Variants in RPTOR observed in about 807,000 individuals in gnomAD.
RPTOR encodes regulatory associated protein of MTOR complex 1.
Under a neutral mutation model 169.9 loss-of-function variants are expected in RPTOR, and 21 were observed. The ratio of observed to expected loss-of-function variants is 0.12; its 90% CI spans 0.09 to 0.18. The LOEUF (loss-of-function observed/expected upper bound fraction) is 0.18, where lower values mean the gene tolerates loss of function less well. Among genes scored for constraint, RPTOR ranks in the 10% least tolerant of loss-of-function variants. The pLI, the probability that RPTOR is intolerant of heterozygous loss-of-function variation, is 1.00. For synonymous variants in RPTOR, 732 were observed against 753.2 expected, an observed-to-expected ratio of 0.97 and a Z score of 0.46; for missense variants, 1,133 against 1,855.9, an observed-to-expected ratio of 0.61 and a Z score of 7.16.
At position 80,962,559 on chromosome 17, in the gene RPTOR, A is replaced by G; in HGVS notation, c.3791A>G (p.Gln1264Arg). 6.2e-7 allele frequency: 1 copy of G among 1,613,568 alleles called. No homozygotes were observed. Among genetic ancestry groups the G allele is most frequent in the Non-Finnish European group, 8.5e-7 (1 of 1,179,826 alleles). Residue 1264 changes from glutamine (Q) to arginine (R), a missense_variant, in exon 32 of 34, where the codon CAG becomes CGG. Gln to Arg is a conservative substitution (Grantham distance 43). This residue lies in a region of RPTOR where 410 missense variants were observed against 623.7 expected (regional missense o/e 0.66). Transcript: ENST00000306801. The stretch of plus-strand genomic sequence containing the variant: ...CTGACGGCCCTGGACATCCACCCCC[A>G]GGCGGACCTGATCGCATGGTAGGCG... ...KGLTALDIHP[Q>R]ADLIACGSVN...
intron 1 of RPTOR, among the ~76,000 whole-genome samples, chr17:80,556,356 A>G (rs766906818): frequency 6.6e-6 from 1 of 152,160 alleles, no homozygotes; most frequent in Non-Finnish European, 1.5e-5. Flanking sequence ...TACAAAAAGT[A>G]AAAAATAAGC....
chr17:80,711,461 T>A (rs149282830), intron 4 of RPTOR, among the ~76,000 whole-genome samples: 1,572 of 152,254 alleles, frequency 0.01, 30 homozygotes, highest in African/African-American at 0.035. Context: ...TACCGTCAAA[T>A]TGCTCAAGAA....
intron 6 of RPTOR, among the ~76,000 whole-genome samples, chr17:80,782,610 C>T (rs1345992974): frequency 6.6e-6 from 1 of 152,152 alleles, no homozygotes; most frequent in African/African-American, 2.4e-5. Context: ...CCAGCCGTTG[C>T]CCCATAGCTG....
chr17:80,844,034 C>T lies in RPTOR; in HGVS notation c.1213-2439C>T, dbSNP rs2067699403. Among the ~76,000 whole-genome samples, 1 of 152,152 alleles carries T rather than the reference C, an allele frequency of 6.6e-6. No homozygotes were observed. Among genetic ancestry groups the T allele is most frequent in the Non-Finnish European group, 1.5e-5 (1 of 68,022 alleles). On this transcript the variant is annotated intron_variant, in intron 10 of 33. Transcript: ENST00000306801. This position sits in a 1 kb window ranked among gnomAD's most constrained non-coding sequence, Gnocchi z 4.7. ...GCTCTCTGTCTCGCTGAATGGACTT[C>T]GCTCCCCTGCACGCAGGGGCCAGCT...
intron 1 of RPTOR, among the ~76,000 whole-genome samples, chr17:80,585,218 TTC>T (rs1444352361): frequency 6.7e-6 from 1 of 149,430 alleles, no homozygotes; most frequent in South Asian, 2.1e-4. Flanking sequence ...GTTTTTTTTT[TTC>T]CTGAGATGGA....
intron 1 of RPTOR, among the ~76,000 whole-genome samples, chr17:80,573,973 G>A (rs1047552792): frequency 1.3e-5 from 2 of 152,160 alleles, no homozygotes; most frequent in Non-Finnish European, 2.9e-5. Flanking sequence ...CCTGGGTCGG[G>A]GGAAGTTTTG....
intron 13 of RPTOR, among the ~76,000 whole-genome samples, chr17:80,866,068 T>G (rs2143783720): frequency 6.6e-6 from 1 of 151,746 alleles, no homozygotes; most frequent in South Asian, 2.1e-4. Context: ...TTAATATATA[T>G]GTGCTTAATG....
chr17:80,686,361 A>ATTTTTTTTATTTTTAT (rs1555607187), intron 3 of RPTOR, among the ~76,000 whole-genome samples: 3 of 145,320 alleles, frequency 2.1e-5, no homozygotes, highest in African/African-American at 8.2e-5. Context: ...TAATTTTTTT[A>ATTTTTTTTATTTTTAT]TTTTTAGTAG....
At position 80,707,015 on chromosome 17, in the gene RPTOR, G is replaced by T. The variant is rs2066146973; in HGVS notation, c.349-826G>T. Among the ~76,000 whole-genome samples, 1 of 152,148 alleles carries T rather than the reference G, an allele frequency of 6.6e-6. No homozygotes were observed. The highest frequency in any genetic ancestry group is 2.4e-5 in the African/African-American group (1 of 41,442). Reference sequence around the variant, plus strand: ...GTTTTCTTTGCCATGATGTTCCTTTGTTTATTATTTGTGTATATCAAGGCT... The same window carrying T: ...GTTTTCTTTGCCATGATGTTCCTTTTTTTATTATTTGTGTATATCAAGGCT... On this transcript the variant is annotated intron_variant, in intron 3 of 33. Coordinates refer to ENST00000306801, the MANE Select transcript of RPTOR (RefSeq NM_020761.3). This position sits in a 1 kb window ranked among gnomAD's most constrained non-coding sequence, Gnocchi z 5.0.
chr17:80,654,581 T>C (rs2065666039), intron 3 of RPTOR, among the ~76,000 whole-genome samples: 2 of 152,308 alleles, frequency 1.3e-5, no homozygotes, highest in South Asian at 4.1e-4. Flanking sequence ...ACCGGGAGGA[T>C]TACCCATGGC....
chr17:80,582,779 C>T (rs1241055688), intron 1 of RPTOR, among the ~76,000 whole-genome samples: 4 of 151,740 alleles, frequency 2.6e-5, no homozygotes, highest in East Asian at 1.9e-4. Flanking sequence ...CTCTTGACCT[C>T]GTGATCCGCC....
intron 5 of RPTOR, among the ~76,000 whole-genome samples, chr17:80,736,517 T>C (rs1437430311): frequency 2.0e-5 from 3 of 152,222 alleles, no homozygotes; most frequent in Non-Finnish European, 4.4e-5. Context: ...CGTAGCTAAA[T>C]TTTATGTCAA....
intron 9 of RPTOR, among the ~76,000 whole-genome samples, chr17:80,824,989 G>A (rs372682758): frequency 4.0e-5 from 6 of 151,402 alleles, no homozygotes; most frequent in Admixed American, 6.6e-5. Flanking sequence ...GCCGCGTGGC[G>A]AGGCCAGCGT....
rs2143839691 is a variant in RPTOR, at chr17:80,883,819, G to A, written c.1689G>A (p.Leu563=). ...CLQGNLIAIC[L]EQLNDPHPLL... ...AGGGAAACCTCATTGCCATCTGCCT[G>A]GAGCAGCTCAACGACCCGCACCCCT... The change falls in exon 16 of 34, where the codon CTG becomes CTA. Residue 563 remains leucine, a synonymous_variant. Coordinates refer to ENST00000306801, the MANE Select transcript of RPTOR (RefSeq NM_020761.3). The A allele has an allele frequency of 6.2e-7, 1 of 1,613,760 alleles. No homozygotes were observed.
At chr17:80,857,961 C>T (rs2067872886) in intron 13 of RPTOR, 61 bp downstream of exon 13, 6 of 1,303,654 alleles carry the variant, frequency 4.6e-6, no homozygotes, top group South Asian at 1.2e-5. Flanking sequence ...CTGGGGATGC[C>T]GAGCCCTGCG....
chr17:80,890,091 C>G (rs761435940), intron 17 of RPTOR, among the ~76,000 whole-genome samples: 1 of 151,850 alleles, frequency 6.6e-6, no homozygotes. Context: ...GGATGTGCGG[C>G]CCCCGAGGGA....
intron 17 of RPTOR, among the ~76,000 whole-genome samples, chr17:80,890,173 G>GAATAACA (rs2068302652): frequency 1.3e-5 from 2 of 152,200 alleles, no homozygotes; most frequent in Admixed American, 1.3e-4. Flanking sequence ...TAACAGACGT[G>GAATAACA]GCCCCTGTTG....
intron 19 of RPTOR, 109 bp downstream of exon 19, chr17:80,892,978 C>G (rs951025007): frequency 1.5e-6 from 2 of 1,344,914 alleles, no homozygotes; most frequent in Non-Finnish European, 1.0e-6. Flanking sequence ...CGTCTAAGTG[C>G]GTGCCCTGAA....
intron 6 of RPTOR, chr17:80,774,404 A>G (rs1266521134): frequency 4.2e-6 from 4 of 955,940 alleles, no homozygotes; most frequent in Non-Finnish European, 5.0e-6. Context: ...ATTTGCTCTT[A>G]CTAATAACCC....
Sources: gnomAD v4.1 joint callset for allele counts (sites outside exome capture counted in the v4.1 genomes callset) on GRCh38, gnomAD v4.1.1 for gene constraint, gnomAD v4.1.1 regional missense constraint, Gnocchi (gnomAD v3.1) non-coding constraint, MANE v1.5 for transcripts, NCBI Gene and HGNC (gene_info 2026-07-23, HGNC 2026-07-21) for gene names.